The following TRAPPC9 variants were observed in gnomAD, a reference collection of about 807,000 sequenced individuals.
TRAPPC9 encodes the protein IKK2 binding protein.
TRAPPC9 carries 83 observed loss-of-function variants against 124.0 expected under a neutral mutation model. The observed-to-expected ratio is 0.67, with a 90% confidence interval of 0.56 to 0.80. TRAPPC9 has a LOEUF of 0.80. Ranked by LOEUF, TRAPPC9 falls within the 30% of genes least tolerant of loss-of-function variation. The pLI is 0.00. For synonymous variants in TRAPPC9, 638 were observed against 617.5 expected (o/e 1.03, Z -0.49); for missense variants, 1,302 against 1,508.3 (o/e 0.86, Z 2.27).
Position 139,729,125 on chromosome 8 carries a change from C to T in TRAPPC9, c.*1936G>A, listed in dbSNP as rs1024394036. 1.3e-5 allele frequency among the ~76,000 whole-genome samples: 2 copies of T among 152,216 alleles called. No homozygotes were observed. Among genetic ancestry groups the T allele is most frequent in the African/African-American group, 4.8e-5 (2 of 41,464 alleles). On this transcript the variant is annotated 3_prime_UTR_variant, in exon 23 of 23. Transcript: ENST00000438773. ...CCGGTGACCAGCACCCTCATGCTGA[C>T]ATCAGATGTCAAATGCAACTCCAGT... is the stretch of plus-strand genomic sequence containing the variant.
chr8:140,173,265 T>C (rs1237595491), intron 17 of TRAPPC9, among the ~76,000 whole-genome samples: 1 of 152,104 alleles, frequency 6.6e-6, no homozygotes, highest in Non-Finnish European at 1.5e-5. Flanking sequence ...ATTAAAGACA[T>C]CTTCTGTGGC....
chr8:140,143,448 G>A (rs753744126), intron 17 of TRAPPC9, among the ~76,000 whole-genome samples: 5 of 152,132 alleles, frequency 3.3e-5, no homozygotes, highest in Non-Finnish European at 7.4e-5. Flanking sequence ...ACTTTTCTTC[G>A]TTTGGGATAT....
At chr8:139,963,851 A>G (rs1189000752) in intron 19 of TRAPPC9, among the ~76,000 whole-genome samples, 1 of 152,226 alleles carries the variant, frequency 6.6e-6, no homozygotes, top group East Asian at 1.9e-4. Context: ...AATGGAATCA[A>G]TTAAAATGAC....
intron 17 of TRAPPC9, among the ~76,000 whole-genome samples, chr8:140,084,016 T>G (rs1844023779): frequency 6.6e-6 from 1 of 152,034 alleles, no homozygotes; most frequent in Non-Finnish European, 1.5e-5. Context: ...GCTGTGTTGC[T>G]CGGACTAGAG....
At chr8:140,378,354 G>GCAGCTAAGAATATAAGCA (rs1473583940) in intron 7 of TRAPPC9, among the ~76,000 whole-genome samples, 30 of 152,264 alleles carry the variant, frequency 2.0e-4, no homozygotes, top group Non-Finnish European at 3.1e-4. Flanking sequence ...TGCTGCCAGC[G>GCAGCTAAGAATATAAGCA]CAGCTAAGAA....
At chr8:140,301,739 C>T (rs1013534886) in intron 10 of TRAPPC9, among the ~76,000 whole-genome samples, 4 of 152,324 alleles carry the variant, frequency 2.6e-5, no homozygotes, top group African/African-American at 9.6e-5. Context: ...GGAGCTCTGG[C>T]CAGTAGGTTG....
chr8:139,939,925 G>A (rs1466696435), intron 19 of TRAPPC9, among the ~76,000 whole-genome samples: 4 of 152,224 alleles, frequency 2.6e-5, no homozygotes, highest in African/African-American at 7.2e-5. Flanking sequence ...CACAGCATGC[G>A]GCTCTGCACA....
intron 17 of TRAPPC9, among the ~76,000 whole-genome samples, chr8:140,123,827 G>A (rs1435743740): frequency 6.6e-6 from 1 of 152,220 alleles, no homozygotes; most frequent in Non-Finnish European, 1.5e-5. Flanking sequence ...TGAATGAATG[G>A]AAGTCTTGAG....
chr8:140,184,043 A>AC (rs2062293238), intron 17 of TRAPPC9, among the ~76,000 whole-genome samples: 1 of 150,836 alleles, frequency 6.6e-6, no homozygotes, highest in African/African-American at 2.4e-5. Flanking sequence ...GGCCTTCTCT[A>AC]CCCTGTGACC....
chr8:140,179,767 T>C (rs1252697846), intron 17 of TRAPPC9, among the ~76,000 whole-genome samples: 1 of 152,108 alleles, frequency 6.6e-6, no homozygotes, highest in East Asian at 1.9e-4. Context: ...TGTATACACA[T>C]TTTGAAATGT....
intron 15 of TRAPPC9, among the ~76,000 whole-genome samples, chr8:140,272,116 A>AATGGTGATGGTGGCAATGATG (rs1554657912): frequency 1.9e-4 from 23 of 120,228 alleles, no homozygotes; most frequent in South Asian, 5.9e-4. Context: ...TGGTGGTGGC[A>AATGGTGATGGTGGCAATGATG]ATGGTGATGG....
intron 5 of TRAPPC9, among the ~76,000 whole-genome samples, chr8:140,426,385 A>G (rs555754575): frequency 6.6e-6 from 1 of 152,356 alleles, no homozygotes; most frequent in Non-Finnish European, 1.5e-5. Flanking sequence ...TCACTTAGCC[A>G]TGCTAGAGGA....
chr8:139,839,039 C>T (rs1185186567), intron 21 of TRAPPC9, among the ~76,000 whole-genome samples: 1 of 152,208 alleles, frequency 6.6e-6, no homozygotes, highest in African/African-American at 2.4e-5. Flanking sequence ...AGATGCATCT[C>T]CTGAATAACG....
intron 19 of TRAPPC9, among the ~76,000 whole-genome samples, chr8:139,975,461 G>A (rs28517868): frequency 0.13 from 19,870 of 152,162 alleles, 1,753 homozygotes; most frequent in East Asian, 0.41. Flanking sequence ...TGAGAACCAC[G>A]ACTCCCACAG....
At chr8:140,161,294 C>T (rs1004194133) in intron 17 of TRAPPC9, among the ~76,000 whole-genome samples, 3 of 152,154 alleles carry the variant, frequency 2.0e-5, no homozygotes, top group African/African-American at 4.8e-5. Context: ...GAGATGAAGT[C>T]GCTGGCCCCG....
At chr8:140,071,776 G>A (rs1327366072) in intron 17 of TRAPPC9, among the ~76,000 whole-genome samples, 1 of 152,162 alleles carries the variant, frequency 6.6e-6, no homozygotes, top group Non-Finnish European at 1.5e-5. Flanking sequence ...CTCATAAAAC[G>A]CACAAAAGCT....
intron 9 of TRAPPC9, among the ~76,000 whole-genome samples, chr8:140,329,679 A>G (rs564289290): frequency 1.4e-4 from 21 of 152,306 alleles, no homozygotes; most frequent in African/African-American, 4.6e-4. Flanking sequence ...TTTCTACCAT[A>G]TTAAGCAACC....
intron 19 of TRAPPC9, among the ~76,000 whole-genome samples, chr8:139,937,245 G>C (rs1467120651): frequency 6.6e-6 from 1 of 152,172 alleles, no homozygotes; most frequent in East Asian, 1.9e-4. Flanking sequence ...AGGCACAGAA[G>C]AGTGAACACA....
intron 12 of TRAPPC9, among the ~76,000 whole-genome samples, chr8:140,290,285 G>A (rs991139228): frequency 2.7e-4 from 41 of 152,236 alleles, no homozygotes; most frequent in African/African-American, 7.7e-4. Flanking sequence ...ATCCATTCTC[G>A]CAGCACCCTC....
Sources: allele counts gnomAD v4.1 joint callset (sites outside exome capture counted in the v4.1 genomes callset), GRCh38; gene constraint gnomAD v4.1.1; transcripts MANE v1.5; gene names NCBI Gene and HGNC (gene_info 2026-07-23, HGNC 2026-07-21).